The following JMJD1C variants were observed in gnomAD, a reference collection of about 807,000 sequenced individuals.
The protein encoded by JMJD1C is jumonji domain-containing protein 1C.
Under a neutral mutation model 245.3 loss-of-function variants are expected in JMJD1C, and 31 were observed. That is an observed-to-expected ratio of 0.13 (90% CI 0.09 to 0.17). The LOEUF (loss-of-function observed/expected upper bound fraction) is 0.17, where lower values mean the gene tolerates loss of function less well. Among genes scored for constraint, JMJD1C ranks in the 10% least tolerant of loss-of-function variants. JMJD1C has a pLI of 1.00. For missense variants in JMJD1C, 2,691 were observed against 3,000.2 expected (o/e 0.90, Z 2.41); for synonymous variants, 1,057 against 1,017.4 (o/e 1.04, Z -0.74).
chr10:63,323,073 G>T (rs532286736), intron 2 of JMJD1C, among the ~76,000 whole-genome samples: 1 of 152,062 alleles, frequency 6.6e-6, no homozygotes, highest in East Asian at 1.9e-4. Flanking sequence ...GAAAAGGAAA[G>T]AACTGCCGCC....
intron 10 of JMJD1C, chr10:63,203,169 C>A (rs1244384041): frequency 1.0e-6 from 1 of 984,736 alleles, no homozygotes; most frequent in Non-Finnish European, 1.2e-6. Context: ...TGCTTCTAGA[C>A]AAGGCCACAC....
At chr10:63,463,872 T>C (rs553714147) in intron 1 of JMJD1C, among the ~76,000 whole-genome samples, 1 of 152,192 alleles carries the variant, frequency 6.6e-6, no homozygotes, top group Non-Finnish European at 1.5e-5. Flanking sequence ...CATCCATAGA[T>C]AATTTATTTT....
intron 2 of JMJD1C, 187 bp downstream of exon 2, chr10:63,380,131 A>C: frequency 2.2e-6 from 1 of 445,474 alleles, no homozygotes; most frequent in Non-Finnish European, 3.9e-6. Context: ...TTTGGTAGAG[A>C]TGGGGTCTCG....
At chr10:63,303,033 A>G (rs886591533) in intron 2 of JMJD1C, among the ~76,000 whole-genome samples, 1 of 152,176 alleles carries the variant, frequency 6.6e-6, no homozygotes, top group African/African-American at 2.4e-5. Context: ...ACAGGCACAC[A>G]CCACCACACC....
intron 12 of JMJD1C, among the ~76,000 whole-genome samples, chr10:63,198,226 C>G (rs1212439679): frequency 6.6e-6 from 1 of 152,084 alleles, no homozygotes; most frequent in Non-Finnish European, 1.5e-5. Flanking sequence ...TCTTTATAAG[C>G]CAAATGCTGA....
At chr10:63,176,667 G>A in intron 23 of JMJD1C, 194 bp from the exon 24 acceptor site, 1 of 555,692 alleles carries the variant, frequency 1.8e-6, no homozygotes, top group South Asian at 2.4e-5. Flanking sequence ...AAACAATACA[G>A]CAATGCTGAA....
At chr10:63,212,873 T>A (rs1847527623) in intron 8 of JMJD1C, among the ~76,000 whole-genome samples, 1 of 151,004 alleles carries the variant, frequency 6.6e-6, no homozygotes, top group African/African-American at 2.4e-5. Flanking sequence ...TAATTATGTA[T>A]AATTTTGTGT....
intron 1 of JMJD1C, among the ~76,000 whole-genome samples, chr10:63,500,730 TGGATGGATGGATGGAA>T (rs1954521981): frequency 1.1e-4 from 15 of 136,964 alleles, no homozygotes; most frequent in Non-Finnish European, 1.6e-4. Flanking sequence ...TCTCGATGGA[TGGATGGATGGATGGAA>T]GGATGGATGG....
At chr10:63,502,050 C>A (rs1954578361) in intron 1 of JMJD1C, among the ~76,000 whole-genome samples, 1 of 152,066 alleles carries the variant, frequency 6.6e-6, no homozygotes. Flanking sequence ...AAATAATATG[C>A]CAAATGGCTA....
chr10:63,386,091 C>G (rs1353927829), intron 1 of JMJD1C, among the ~76,000 whole-genome samples: 1 of 150,828 alleles, frequency 6.6e-6, no homozygotes, highest in Non-Finnish European at 1.5e-5. Flanking sequence ...CACACATACA[C>G]AGACACACAC....
chr10:63,200,335 T>TA (rs1845880951), intron 11 of JMJD1C, 141 bp downstream of exon 11: 1 of 646,656 alleles, frequency 1.5e-6, no homozygotes, highest in Non-Finnish European at 2.7e-6. Context: ...AAACATTTAA[T>TA]AACTCTTTTA....
intron 2 of JMJD1C, among the ~76,000 whole-genome samples, chr10:63,320,079 T>A (rs1940660756): frequency 3.3e-5 from 5 of 152,172 alleles, no homozygotes; most frequent in Admixed American, 3.3e-4. Context: ...CTAATTGTTA[T>A]ATTTTTAGTA....
At chr10:63,343,207 T>G (rs1254272181) in intron 2 of JMJD1C, among the ~76,000 whole-genome samples, 7 of 151,862 alleles carry the variant, frequency 4.6e-5, no homozygotes, top group Non-Finnish European at 7.4e-5. Context: ...ACAAAAAATT[T>G]TTTTAAAAAT....
At chr10:63,283,199 G>T (rs1055910558) in intron 2 of JMJD1C, among the ~76,000 whole-genome samples, 2 of 152,170 alleles carry the variant, frequency 1.3e-5, no homozygotes, top group African/African-American at 2.4e-5. Context: ...AAATAATAAA[G>T]ATTTCTTCCA....
intron 3 of JMJD1C, among the ~76,000 whole-genome samples, chr10:63,247,633 G>A (rs1852397017): frequency 6.7e-6 from 1 of 149,718 alleles, no homozygotes; most frequent in Non-Finnish European, 1.5e-5. Flanking sequence ...CTTGGAGGTT[G>A]AGGCAGGAGA....
At chr10:63,420,273 C>G (rs1030654197) in intron 1 of JMJD1C, among the ~76,000 whole-genome samples, 1 of 152,034 alleles carries the variant, frequency 6.6e-6, no homozygotes, top group African/African-American at 2.4e-5. Context: ...AATCAATAAA[C>G]AACAAAATTT....
At chr10:63,521,683 G>A (rs1471412068) in intron 1 of JMJD1C, 1 of 790,540 alleles carries the variant, frequency 1.3e-6, no homozygotes, top group East Asian at 3.6e-5. Flanking sequence ...GGCGGGGACG[G>A]GGTAGCCCGG....
chr10:63,271,733 T>C (rs2133834035), intron 2 of JMJD1C, among the ~76,000 whole-genome samples: 1 of 152,268 alleles, frequency 6.6e-6, no homozygotes, highest in South Asian at 2.1e-4. Flanking sequence ...GTATTCATAC[T>C]GATGTTTTTT....
At chr10:63,452,901 T>C (rs1454729531) in intron 1 of JMJD1C, among the ~76,000 whole-genome samples, 1 of 152,178 alleles carries the variant, frequency 6.6e-6, no homozygotes, top group Non-Finnish European at 1.5e-5. Context: ...CTGTTTGGGA[T>C]GATAAACTTC....
Sources: gnomAD v4.1 joint callset for allele counts (sites outside exome capture counted in the v4.1 genomes callset) on GRCh38, gnomAD v4.1.1 for gene constraint, MANE v1.5 for transcripts, NCBI Gene and HGNC (gene_info 2026-07-23, HGNC 2026-07-21) for gene names.